Variants in PIK3C2G observed in about 807,000 individuals in gnomAD.
PIK3C2G encodes the protein phosphatidylinositol 3-kinase C2 domain-containing subunit gamma.
In PIK3C2G, 168 loss-of-function variants were observed where a neutral mutation model predicts 181.1. The observed-to-expected ratio is 0.93, with a 90% CI of 0.82 to 1.05. The LOEUF (loss-of-function observed/expected upper bound fraction) is 1.05. Ranked by LOEUF, PIK3C2G falls within the 50% of genes least tolerant of loss-of-function variation. The pLI is 0.00. For missense variants in PIK3C2G, 1,869 were observed against 1,732.8 expected (o/e 1.08, Z -1.40); for synonymous variants, 573 against 592.2 (o/e 0.97, Z 0.47).
intron 24 of PIK3C2G, among the ~76,000 whole-genome samples, chr12:18,523,940 A>G (rs1450003031): frequency 6.6e-6 from 1 of 152,220 alleles, no homozygotes; most frequent in African/African-American, 2.4e-5. Context: ...GGATTGGACC[A>G]TGAAATATCC....
intron 1 of PIK3C2G, among the ~76,000 whole-genome samples, chr12:18,271,419 T>C (rs963454710): frequency 6.6e-6 from 1 of 152,154 alleles, no homozygotes; most frequent in African/African-American, 2.4e-5. Context: ...TGTTTTTCCC[T>C]AGGCCCATGG....
At position 18,579,187 on chromosome 12, in the gene PIK3C2G, G is replaced by A. The variant is rs189132268; in HGVS notation, c.4011+12130G>A. On this transcript the variant is annotated intron_variant, in intron 29 of 32. Transcript: ENST00000538779. The stretch of plus-strand genomic sequence containing the variant: ...AGAAATTAGAGAGATTAAAAATAAT[G>A]CAACATATATTTTACTCTCATTGAG... Among the ~76,000 whole-genome samples the A allele has an allele frequency of 2.0e-5, 3 of 152,080 alleles. No homozygotes were observed. The East Asian group carries it at 5.8e-4, about 29-fold the overall frequency.
At chr12:18,534,185 G>A (rs1943716009) in intron 24 of PIK3C2G, among the ~76,000 whole-genome samples, 1 of 151,632 alleles carries the variant, frequency 6.6e-6, no homozygotes, top group Admixed American at 6.6e-5. Flanking sequence ...CCTGGCCTCC[G>A]ATAATCCACC....
At chr12:18,296,066 T>C (rs964742244) in intron 5 of PIK3C2G, among the ~76,000 whole-genome samples, 3 of 152,110 alleles carry the variant, frequency 2.0e-5, no homozygotes, top group Admixed American at 2.0e-4. Flanking sequence ...AAAATGCTAA[T>C]TTTCTGATAA....
At chr12:18,639,206 A>G (rs969949411) in intron 31 of PIK3C2G, among the ~76,000 whole-genome samples, 3 of 152,088 alleles carry the variant, frequency 2.0e-5, no homozygotes, top group Admixed American at 1.3e-4. Context: ...GTCTAATGAT[A>G]TAATTTTTAA....
At chr12:18,585,350 C>T (rs1299788815) in intron 29 of PIK3C2G, among the ~76,000 whole-genome samples, 2 of 149,998 alleles carry the variant, frequency 1.3e-5, no homozygotes, top group Non-Finnish European at 3.0e-5. Context: ...GAAAATCCAC[C>T]AAGCAAATGG....
chr12:18,330,916 C>G (rs954880290), intron 8 of PIK3C2G, among the ~76,000 whole-genome samples: 3 of 152,074 alleles, frequency 2.0e-5, no homozygotes, highest in Non-Finnish European at 4.4e-5. Context: ...TTTGTGAAGT[C>G]CAGGTTTATT....
At chr12:18,712,691 T>TGG in the PIK3C2G span, 1 of 950,004 alleles carries the variant, frequency 1.1e-6, no homozygotes, top group Non-Finnish European at 1.6e-6. Context: ...TTTAACTATA[T>TGG]ACAACATGGA....
At chr12:18,297,031 T>C (rs964600342) in intron 5 of PIK3C2G, among the ~76,000 whole-genome samples, 1 of 152,084 alleles carries the variant, frequency 6.6e-6, no homozygotes, top group Non-Finnish European at 1.5e-5. Context: ...TCTTGTCCAA[T>C]AGCTTGATCC....
the PIK3C2G span, among the ~76,000 whole-genome samples, chr12:18,656,953 C>A: frequency 1.4e-4 from 22 of 152,236 alleles, no homozygotes; most frequent in South Asian, 4.1e-4. Flanking sequence ...TTTAAGGCAG[C>A]CCTAATGACA....
At chr12:18,435,406 C>G (rs1946393801) in intron 18 of PIK3C2G, among the ~76,000 whole-genome samples, 1 of 152,080 alleles carries the variant, frequency 6.6e-6, no homozygotes, top group Admixed American at 6.6e-5. Flanking sequence ...ATCCTCCACA[C>G]TGCTCTCAGA....
chr12:18,719,853 A>G, the PIK3C2G span, among the ~76,000 whole-genome samples: 1 of 152,120 alleles, frequency 6.6e-6, no homozygotes, highest in Admixed American at 6.6e-5. Flanking sequence ...TATATTATTT[A>G]ATTATCTCTT....
At chr12:18,641,282 A>T (rs535439507) in intron 32 of PIK3C2G, among the ~76,000 whole-genome samples, 9 of 151,976 alleles carry the variant, frequency 5.9e-5, no homozygotes, top group Non-Finnish European at 1.2e-4. Flanking sequence ...CTTTCCCTTC[A>T]TCTCTCCCTT....
Position 18,567,064 on chromosome 12 carries a change from T to G in PIK3C2G, c.4011+7T>G. 1 of 1,182,196 alleles carries G rather than the reference T, an allele frequency of 8.5e-7. No homozygotes were observed. The highest frequency in any genetic ancestry group is 1.3e-5 in the South Asian group (1 of 74,608). The allele number at this position is 1,182,196 out of a possible 1,614,324, so 73.2% of individuals were successfully genotyped here. On this transcript the variant is annotated splice_region_variant and intron_variant, in intron 29 of 32. Transcript: ENST00000538779. The stretch of plus-strand genomic sequence containing the variant: ...ATCACATGAAGTTACAAACGTATGT[T>G]ATAATTAATTTTTCTATTTTTACAT...
intron 1 of PIK3C2G, among the ~76,000 whole-genome samples, chr12:18,276,553 T>G (rs1948995079): frequency 6.6e-6 from 1 of 152,180 alleles, no homozygotes; most frequent in African/African-American, 2.4e-5. Flanking sequence ...TCTTCATGAA[T>G]TTTACTTTTG....
At chr12:18,347,701 C>T (rs1939803045) in intron 11 of PIK3C2G, among the ~76,000 whole-genome samples, 1 of 151,998 alleles carries the variant, frequency 6.6e-6, no homozygotes, top group Admixed American at 6.6e-5. Flanking sequence ...ATCCCAGCTA[C>T]TCTGGAGGCT....
chr12:18,615,801 T>G (rs1474231999), intron 31 of PIK3C2G, among the ~76,000 whole-genome samples: 3 of 152,112 alleles, frequency 2.0e-5, no homozygotes, highest in Non-Finnish European at 4.4e-5. Context: ...TTTTCTTCTC[T>G]AATTCTCTCC....
chr12:18,648,885 CCATT>C (rs1250377010), downstream of PIK3C2G, among the ~76,000 whole-genome samples: 1 of 152,050 alleles, frequency 6.6e-6, no homozygotes, highest in Non-Finnish European at 1.5e-5. Context: ...TTTAATCTTG[CCATT>C]CAAATTACTG....
intron 15 of PIK3C2G, among the ~76,000 whole-genome samples, chr12:18,397,534 C>T (rs374850908): frequency 7.3e-4 from 111 of 152,042 alleles, no homozygotes; most frequent in African/African-American, 2.6e-3. Context: ...GAAGAATTGC[C>T]TAGACCCCAA....
Sources: gnomAD v4.1 joint callset for allele counts (sites outside exome capture counted in the v4.1 genomes callset) on GRCh38, gnomAD v4.1.1 for gene constraint, MANE v1.5 for transcripts, NCBI Gene and HGNC (gene_info 2026-07-23, HGNC 2026-07-21) for gene names.